MYO1D: variants seen among roughly 807,000 people sequenced by gnomAD.
The protein encoded by MYO1D is unconventional myosin-Id.
MYO1D carries 83 observed loss-of-function variants against 122.0 expected under a neutral mutation model. The observed-to-expected ratio is 0.68, with a 90% CI of 0.57 to 0.82. The LOEUF (loss-of-function observed/expected upper bound fraction) is 0.82. MYO1D is among the 40% of genes least tolerant of loss of function. The probability of loss-of-function intolerance (pLI) is 0.00; values close to 1 mark genes in which losing one functional copy is unlikely to be tolerated. For synonymous variants in MYO1D, 464 were observed against 446.9 expected (o/e 1.04, Z -0.48); for missense variants, 1,157 against 1,269.5 (o/e 0.91, Z 1.35).
chr17:32,673,091 T>C (rs12947682), intron 16 of MYO1D, among the ~76,000 whole-genome samples: 7 of 43,474 alleles, frequency 1.6e-4, no homozygotes, highest in African/African-American at 2.9e-4. Flanking sequence ...AACATGCTAC[T>C]TTTTTTTTTT....
chr17:32,671,517 A>T (rs1296396756), intron 16 of MYO1D, among the ~76,000 whole-genome samples: 1 of 152,252 alleles, frequency 6.6e-6, no homozygotes, highest in African/African-American at 2.4e-5. Flanking sequence ...AATTATTTCA[A>T]AATAAAACAA....
At chr17:32,764,389 T>C (rs1364718675) in intron 8 of MYO1D, among the ~76,000 whole-genome samples, 1 of 152,172 alleles carries the variant, frequency 6.6e-6, no homozygotes, top group East Asian at 1.9e-4. Flanking sequence ...ATACTAATAA[T>C]ATTGTTTCAA....
chr17:32,641,397 C>T (rs1365229797), intron 19 of MYO1D, among the ~76,000 whole-genome samples: 3 of 151,990 alleles, frequency 2.0e-5, no homozygotes, highest in East Asian at 1.9e-4. Flanking sequence ...AATAAACATA[C>T]GTGTGCATGT....
At chr17:32,611,828 G>C (rs1453171424) in intron 20 of MYO1D, among the ~76,000 whole-genome samples, 1 of 152,200 alleles carries the variant, frequency 6.6e-6, no homozygotes, top group Non-Finnish European at 1.5e-5. Context: ...ACTGAAGCGA[G>C]ACTCCGTCTC....
chr17:32,698,491 A>C (rs1214591473), intron 16 of MYO1D, among the ~76,000 whole-genome samples: 1 of 152,018 alleles, frequency 6.6e-6, no homozygotes, highest in African/African-American at 2.4e-5. Context: ...CAAAGAAGTC[A>C]GAGTGCTTTG....
rs559773410 is a variant in MYO1D, at chr17:32,656,678, C to A, written c.2346-2057G>T. On this transcript the variant is annotated intron_variant, in intron 17 of 21. Coordinates refer to ENST00000318217, the MANE Select transcript of MYO1D (RefSeq NM_015194.3). ...CTTTACTTCCTATGGACAACCAACA[C>A]TCCAACAAGACAGACTGTCCTAAGA... 3.9e-5 allele frequency among the ~76,000 whole-genome samples: 6 copies of A among 152,308 alleles called. No individual in the cohort carries two copies. In the East Asian group the frequency reaches 1.2e-3, roughly 29 times the overall value.
At chr17:32,685,794 A>G (rs1280165096) in intron 16 of MYO1D, among the ~76,000 whole-genome samples, 5 of 152,222 alleles carry the variant, frequency 3.3e-5, no homozygotes, top group African/African-American at 1.2e-4. Flanking sequence ...GCTTTAAGTT[A>G]TTGTCATCTA....
intron 1 of MYO1D, among the ~76,000 whole-genome samples, chr17:32,869,009 GA>G (rs2091155068): frequency 6.7e-6 from 1 of 150,194 alleles, no homozygotes; most frequent in South Asian, 2.1e-4. Context: ...AGGAGTTTGA[GA>G]CCAGCCTGAC....
At chr17:32,734,209 G>C (rs962220224) in intron 14 of MYO1D, among the ~76,000 whole-genome samples, 3 of 152,060 alleles carry the variant, frequency 2.0e-5, no homozygotes, top group African/African-American at 7.2e-5. Context: ...GATATATTCA[G>C]GTTGCCCCAT....
intron 21 of MYO1D, among the ~76,000 whole-genome samples, chr17:32,501,443 A>T (rs527784735): frequency 4.4e-4 from 67 of 152,342 alleles, no homozygotes; most frequent in African/African-American, 1.5e-3. Context: ...CCTTGGAGGA[A>T]GGAATGCTGC....
chr17:32,822,753 G>A (rs1440766166), intron 1 of MYO1D, among the ~76,000 whole-genome samples: 3 of 151,392 alleles, frequency 2.0e-5, no homozygotes, highest in Non-Finnish European at 2.9e-5. Context: ...GGCAGCAGGC[G>A]GCGAGGCCCG....
chr17:32,811,523 T>C (rs1375670985), intron 1 of MYO1D, among the ~76,000 whole-genome samples: 1 of 152,168 alleles, frequency 6.6e-6, no homozygotes, highest in African/African-American at 2.4e-5. Flanking sequence ...CTTCTTCATT[T>C]TTATATCTTT....
intron 19 of MYO1D, among the ~76,000 whole-genome samples, chr17:32,641,545 A>C (rs906275945): frequency 4.6e-5 from 7 of 152,126 alleles, no homozygotes; most frequent in South Asian, 4.2e-4. Flanking sequence ...TTTACAGTCC[A>C]ACCAACAGTG....
At position 32,765,168 on chromosome 17, in the gene MYO1D, T is replaced by G. The variant is rs1010788745; in HGVS notation, c.832-87A>C. On this transcript the variant is annotated intron_variant, in intron 7 of 21. Coordinates refer to ENST00000318217, the MANE Select transcript of MYO1D (RefSeq NM_015194.3). ...ATATAAAATACAATTCAGGTGACCT[T>G]GTTTGTACCTATTTTCCTAAATACA... The G allele has an allele frequency of 1.6e-5, 17 of 1,070,252 alleles. No individual in the cohort carries two copies. The East Asian group carries it at 4.3e-4, about 27-fold the overall frequency. 66.3% of individuals were successfully genotyped at this position (1,070,252 alleles called of 1,614,324 possible).
At chr17:32,530,013 T>C (rs565050941) in intron 21 of MYO1D, 1 of 152,186 alleles carries the variant, frequency 6.6e-6, no homozygotes, top group Non-Finnish European at 1.5e-5. Flanking sequence ...ATTCACAAGG[T>C]ATACAGCACT....
At chr17:32,728,650 A>G (rs1055178182) in intron 14 of MYO1D, among the ~76,000 whole-genome samples, 3 of 152,248 alleles carry the variant, frequency 2.0e-5, no homozygotes, top group Admixed American at 1.3e-4. Context: ...AGAAAATCCT[A>G]TATGTTGAAA....
intron 19 of MYO1D, among the ~76,000 whole-genome samples, chr17:32,645,168 A>G (rs1025920540): frequency 7.9e-5 from 12 of 152,154 alleles, no homozygotes; most frequent in Middle Eastern, 3.2e-3. Context: ...TCCTTCACTT[A>G]TGAAGCTTAG....
intron 13 of MYO1D, among the ~76,000 whole-genome samples, chr17:32,741,621 T>C (rs904499957): frequency 6.6e-6 from 1 of 152,218 alleles, no homozygotes; most frequent in Non-Finnish European, 1.5e-5. Flanking sequence ...TGGGTAATAA[T>C]GAATCAGAGT....
At chr17:32,677,871 CTTTTTT>C (rs1298038983) in intron 16 of MYO1D, among the ~76,000 whole-genome samples, 3 of 152,006 alleles carry the variant, frequency 2.0e-5, no homozygotes, top group African/African-American at 7.3e-5. Flanking sequence ...ATCTGCCCTT[CTTTTTT>C]GTCTTTTTTA....
Sources: allele counts gnomAD v4.1 joint callset (sites outside exome capture counted in the v4.1 genomes callset), GRCh38; gene constraint gnomAD v4.1.1; transcripts MANE v1.5; gene names NCBI Gene and HGNC (gene_info 2026-07-23, HGNC 2026-07-21).